TMPRSS15: variants seen among roughly 807,000 people sequenced by gnomAD.
TMPRSS15 encodes the protein transmembrane serine protease 15, also known as enteropeptidase.
TMPRSS15 carries 128 observed loss-of-function variants against 125.3 expected under a neutral mutation model. The ratio of observed to expected loss-of-function variants is 1.02; its 90% CI spans 0.89 to 1.18. The LOEUF (loss-of-function observed/expected upper bound fraction) is 1.18, where lower values mean the gene tolerates loss of function less well. Among genes scored for constraint, TMPRSS15 ranks in the 50% most tolerant of loss-of-function variants. The pLI, the probability that TMPRSS15 is intolerant of heterozygous loss-of-function variation, is 0.00. For synonymous variants in TMPRSS15, 446 were observed against 423.2 expected, an observed-to-expected ratio of 1.05 and a Z score of -0.66; for missense variants, 1,283 against 1,212.7, an observed-to-expected ratio of 1.06 and a Z score of -0.86.
intron 18 of TMPRSS15, among the ~76,000 whole-genome samples, chr21:18,301,708 A>C (rs1257308192): frequency 2.6e-5 from 4 of 152,194 alleles, no homozygotes. Context: ...TAGCTGTTTG[A>C]AATCAGAAGT....
At chr21:18,389,292 C>A (rs758148016) in intron 3 of TMPRSS15, among the ~76,000 whole-genome samples, 1 of 151,754 alleles carries the variant, frequency 6.6e-6, no homozygotes, top group Non-Finnish European at 1.5e-5. Context: ...GAAGATTAAA[C>A]CTTTTTGCAT....
At chr21:18,401,353 G>A (rs189705204) in intron 1 of TMPRSS15, among the ~76,000 whole-genome samples, 16 of 152,230 alleles carry the variant, frequency 1.1e-4, no homozygotes, top group African/African-American at 3.6e-4. Context: ...CGGTGTACTG[G>A]ATAAAGAAAA....
intron 1 of TMPRSS15, among the ~76,000 whole-genome samples, chr21:18,442,446 T>C (rs1324787274): frequency 6.6e-6 from 1 of 152,220 alleles, no homozygotes; most frequent in African/African-American, 2.4e-5. Flanking sequence ...TCTTGCAAAC[T>C]TTTGCTCCAA....
At chr21:18,440,069 C>T (rs1336861144) in intron 1 of TMPRSS15, among the ~76,000 whole-genome samples, 1 of 152,108 alleles carries the variant, frequency 6.6e-6, no homozygotes, top group Non-Finnish European at 1.5e-5. Context: ...ATGTGGAACT[C>T]ACACAGAAGA....
At chr21:18,270,230 AT>A (rs1451350030) in intron 24 of TMPRSS15, 106 bp from the exon 25 acceptor site, 2 of 996,062 alleles carry the variant, frequency 2.0e-6, no homozygotes, top group African/African-American at 3.3e-5. Context: ...TAATTAAAAA[AT>A]ATGATTTAAT....
chr21:18,480,415 C>T (rs896489232), intron 1 of TMPRSS15, among the ~76,000 whole-genome samples: 28 of 151,970 alleles, frequency 1.8e-4, no homozygotes, highest in African/African-American at 6.0e-4. Flanking sequence ...CTATAATCTA[C>T]CCAGGCCATG....
chr21:18,342,642 T>C (rs1170788443), intron 12 of TMPRSS15, among the ~76,000 whole-genome samples: 1 of 152,150 alleles, frequency 6.6e-6, no homozygotes, highest in Non-Finnish European at 1.5e-5. Flanking sequence ...CCATTTTCCC[T>C]TACCCTTCTC....
At chr21:18,389,176 A>G (rs919832924) in intron 3 of TMPRSS15, among the ~76,000 whole-genome samples, 7 of 151,602 alleles carry the variant, frequency 4.6e-5, no homozygotes, top group African/African-American at 1.7e-4. Context: ...AAAAAGAAAG[A>G]AAGGAAAGAA....
intron 10 of TMPRSS15, among the ~76,000 whole-genome samples, chr21:18,345,716 A>G (rs71324231): frequency 0.94 from 103,514 of 110,162 alleles, 49,106 homozygotes; most frequent in East Asian, 1. Context: ...ACTCCAGCCT[A>G]GGCGACAGAG....
intron 6 of TMPRSS15, among the ~76,000 whole-genome samples, chr21:18,370,118 T>C (rs1396804292): frequency 6.6e-6 from 1 of 152,108 alleles, no homozygotes; most frequent in Non-Finnish European, 1.5e-5. Context: ...GCAGTTTGAC[T>C]ATATTTTTAA....
chr21:18,404,537 ATAAT>A (rs1324852746), upstream of TMPRSS15, among the ~76,000 whole-genome samples: 1 of 152,192 alleles, frequency 6.6e-6, no homozygotes, highest in African/African-American at 2.4e-5. Flanking sequence ...TCATTTTCTG[ATAAT>A]TAAATTACGG....
intron 14 of TMPRSS15, among the ~76,000 whole-genome samples, chr21:18,329,502 T>C (rs990836030): frequency 1.3e-5 from 2 of 151,662 alleles, no homozygotes; most frequent in African/African-American, 2.4e-5. Flanking sequence ...ATATTTATAG[T>C]AACATTTCAA....
intron 1 of TMPRSS15, among the ~76,000 whole-genome samples, chr21:18,479,045 G>C (rs1249168413): frequency 6.6e-6 from 1 of 151,810 alleles, no homozygotes; most frequent in Non-Finnish European, 1.5e-5. Context: ...TCCCACATCT[G>C]AAAATCTGAA....
rs142267349 is a variant in TMPRSS15 at position 18,476,589 on chromosome 21, G to C, written c.10+9210C>G. 6.8e-4 allele frequency among the ~76,000 whole-genome samples: 103 copies of C among 152,206 alleles called. 2 individuals carry two copies. The East Asian group carries it at 0.01, about 15-fold the overall frequency. ...CAGCAAATATTTATTGGGCATCTCT[G>C]TGTTTAAGAAACTCTTCATATATCC... is the stretch of plus-strand genomic sequence containing the variant. On this transcript the variant is annotated intron_variant, in intron 1 of 7. Transcript: ENST00000422787.
chr21:18,394,826 T>C lies in TMPRSS15; in HGVS notation c.344+3053A>G, dbSNP rs1203936891. On this transcript the variant is annotated intron_variant, in intron 3 of 24. Transcript: ENST00000284885. ...CTTTAAATCCAGTGACGGATTCTTA[T>C]AAAGGCTATTTCTCCACTCGTTTAA... Among the ~76,000 whole-genome samples the C allele has an allele frequency of 3.3e-5, 5 of 152,214 alleles. No individual in the cohort carries two copies. The East Asian group carries it at 7.7e-4, about 23-fold the overall frequency.
chr21:18,407,094 T>C (rs1350877676), upstream of TMPRSS15, among the ~76,000 whole-genome samples: 5 of 152,154 alleles, frequency 3.3e-5, no homozygotes, highest in Non-Finnish European at 7.4e-5. Context: ...AGTGATGCAA[T>C]TCTGTGGATA....
chr21:18,369,973 CGAA>C (rs1212315537), intron 6 of TMPRSS15, among the ~76,000 whole-genome samples: 2 of 136,012 alleles, frequency 1.5e-5, no homozygotes, highest in African/African-American at 5.4e-5. Flanking sequence ...CTTACTTAAA[CGAA>C]AAAAAAAAAA....
intron 19 of TMPRSS15, among the ~76,000 whole-genome samples, chr21:18,294,928 A>C (rs1465052076): frequency 6.6e-6 from 1 of 152,222 alleles, no homozygotes; most frequent in African/African-American, 2.4e-5. Context: ...GGGGGTAATA[A>C]TACTTTATTG....
chr21:18,314,181 A>C (rs2075133117), intron 17 of TMPRSS15, among the ~76,000 whole-genome samples: 1 of 152,186 alleles, frequency 6.6e-6, no homozygotes, highest in Admixed American at 6.5e-5. Context: ...ATACAAACGT[A>C]GGTTCAAAAA....
Sources: gnomAD v4.1 joint callset for allele counts (sites outside exome capture counted in the v4.1 genomes callset) on GRCh38, gnomAD v4.1.1 for gene constraint, MANE v1.5 for transcripts, NCBI Gene and HGNC (gene_info 2026-07-23, HGNC 2026-07-21) for gene names.